SP140: variants seen among roughly 807,000 people sequenced by gnomAD.
The protein encoded by SP140 is nuclear body protein SP140.
A neutral mutation model predicts 125.0 loss-of-function variants in SP140; 81 were observed. The ratio of observed to expected loss-of-function variants is 0.65; its 90% CI spans 0.54 to 0.78. The LOEUF is 0.78. Among genes scored for constraint, SP140 ranks in the 30% least tolerant of loss-of-function variants. SP140 has a pLI of 0.00. For missense variants in SP140, 858 were observed against 1,037.0 expected (o/e 0.83, Z 2.37); for synonymous variants, 312 against 354.0 (o/e 0.88, Z 1.33).
rs201955580 is a variant in SP140 at position 230,209,893 on chromosome 2, C to A, written c.-322-3761C>A. Reference sequence around the variant, plus strand: ...GAAAAACAGAAAGCAACTCTGAATTCACCCTTCTGACCTCTACAGAAGAAA... The same window carrying A: ...GAAAAACAGAAAGCAACTCTGAATTAACCCTTCTGACCTCTACAGAAGAAA... On this transcript the variant is annotated intron_variant, in intron 1 of 4. Coordinates refer to the SP140 transcript ENST00000456542. The A allele has an allele frequency of 1.2e-5, 14 of 1,213,468 alleles. No individual in the cohort carries two copies. In the South Asian group the frequency reaches 1.3e-4, roughly 11 times the overall value. 75.2% of individuals were successfully genotyped at this position (1,213,468 alleles called of 1,614,324 possible). A position where few individuals can be genotyped will look rare whatever the true frequency, so the allele number is the denominator to read the frequency against.
At chr2:230,303,032 C>G (rs2058434312) in intron 22 of SP140, among the ~76,000 whole-genome samples, 2 of 151,920 alleles carry the variant, frequency 1.3e-5, no homozygotes, top group Middle Eastern at 3.4e-3. Flanking sequence ...AAACCCAAAC[C>G]CAGCAGAAGA....
chr2:230,245,310 T>C (rs2049276998), intron 6 of SP140, among the ~76,000 whole-genome samples: 1 of 152,076 alleles, frequency 6.6e-6, no homozygotes, highest in Non-Finnish European at 1.5e-5. Context: ...ATTACTCTGA[T>C]TGGAGGCACC....
At position 230,255,523 on chromosome 2, in the gene SP140, C is replaced by A; in HGVS notation, c.1231C>A (p.Arg411Ser). 1 of 1,586,094 alleles carries A rather than the reference C, an allele frequency of 6.3e-7. No homozygotes were observed. Among genetic ancestry groups the A allele is most frequent in the East Asian group, 2.3e-5 (1 of 43,746 alleles). The change falls in exon 12 of 27, where the codon CGT becomes AGT. Residue 411 changes from arginine (R) to serine (S), a missense_variant. Physicochemically the swap from Arg to Ser is moderately radical, Grantham distance 110 (BLOSUM62 -1). Around this residue, in one of 4 missense-constraint regions of SP140, gnomAD observed 791 missense variants for 869.5 expected, o/e 0.91. Transcript: ENST00000392045. ...GGAAGCCTCTAGCTCCCTAGCAAGA[C>A]GTGGGTCAGGTAAGGACGGGGGGGG... ...RQEASSSLAR[R>S]GSVSSELENH...
chr2:230,192,004 C>A, the SP140 span, among the ~76,000 whole-genome samples: 1 of 152,170 alleles, frequency 6.6e-6, no homozygotes, highest in African/African-American at 2.4e-5. Context: ...TAAGCATAAT[C>A]CATCACATAA....
intron 7 of SP140, among the ~76,000 whole-genome samples, chr2:230,247,120 C>T (rs1459097612): frequency 6.6e-6 from 1 of 152,114 alleles, no homozygotes; most frequent in Non-Finnish European, 1.5e-5. Context: ...GCTTTCATGT[C>T]TCTCCCATCT....
Position 230,312,605 on chromosome 2 carries a change from T to G in SP140, c.2525T>G (p.Met842Arg). 1 of 1,611,606 alleles carries G rather than the reference T, an allele frequency of 6.2e-7. No homozygotes were observed. The highest frequency in any genetic ancestry group is 8.5e-7 in the Non-Finnish European group (1 of 1,178,554). ...ASYKYKDFGQ[M>R]GFRLEAEFEK... The stretch of plus-strand genomic sequence containing the variant: ...TTTCAGTACAAGGATTTTGGCCAAA[T>G]GGGATTTAGACTGGAGGCTGAGTTT... The change falls in exon 27 of 27, where the codon ATG becomes AGG. Residue 842 changes from methionine to arginine, a missense_variant. Around this residue, in one of 4 missense-constraint regions of SP140, gnomAD observed 43 missense variants for 35.1 expected, o/e 1.23. Coordinates refer to ENST00000392045, the MANE Select transcript of SP140 (RefSeq NM_007237.5).
intron 15 of SP140, among the ~76,000 whole-genome samples, chr2:230,275,496 CG>C (rs2054581742): frequency 6.6e-6 from 1 of 152,142 alleles, no homozygotes; most frequent in Non-Finnish European, 1.5e-5. Flanking sequence ...ACACTGTGTT[CG>C]TATAAGATGG....
At chr2:230,194,466 A>C in the SP140 span, among the ~76,000 whole-genome samples, 1 of 107,478 alleles carries the variant, frequency 9.3e-6, no homozygotes, top group African/African-American at 3.4e-5. Flanking sequence ...TTAAAAAAAG[A>C]AAAAGGGAAA....
intron 12 of SP140, among the ~76,000 whole-genome samples, chr2:230,268,231 TAGAC>T (rs763044956): frequency 6.6e-4 from 100 of 152,160 alleles, no homozygotes; most frequent in Non-Finnish European, 1.1e-3. Context: ...TTTTTAAAAA[TAGAC>T]AGAAGAGGCC....
At chr2:230,221,617 C>T, upstream of SP140, 1 of 1,270,382 alleles carries the variant, frequency 7.9e-7, no homozygotes, top group Non-Finnish European at 1.1e-6. Context: ...GATGCCTCAG[C>T]ATGCAGTAAC....
chr2:230,236,626 T>C (rs761592862), intron 1 of SP140, among the ~76,000 whole-genome samples: 2 of 152,200 alleles, frequency 1.3e-5, no homozygotes, highest in Non-Finnish European at 2.9e-5. Flanking sequence ...AGGCTTTCAA[T>C]TGGTTGGGCA....
At chr2:230,300,263 T>C (rs1447999748) in intron 22 of SP140, among the ~76,000 whole-genome samples, 1 of 152,094 alleles carries the variant, frequency 6.6e-6, no homozygotes, top group Non-Finnish European at 1.5e-5. Flanking sequence ...AACAACTAAT[T>C]ATACTGCCTG....
chr2:230,238,971 A>T, intron 3 of SP140: 1 of 1,510,760 alleles, frequency 6.6e-7, no homozygotes, highest in African/African-American at 1.4e-5. Flanking sequence ...CTGACTCTGG[A>T]GAAAGAAGTT....
In SP140 at chr2:230,237,637, T is replaced by G. The variant is rs531047527; in HGVS notation, c.237+377T>G. ...ACTGAGATTTTTTTGAAACTCACAG[T>G]GAAGTTGTGTCATTTTAGGTTACAT... On this transcript the variant is annotated intron_variant, in intron 2 of 26. Transcript: ENST00000392045. This position sits in a 1 kb window ranked among gnomAD's most constrained non-coding sequence, Gnocchi z 5.4. 1 of 171,458 alleles carries G rather than the reference T, an allele frequency of 5.8e-6. No homozygotes were observed. Among genetic ancestry groups the G allele is most frequent in the Non-Finnish European group, 1.2e-5 (1 of 81,412 alleles). 10.6% of individuals were successfully genotyped at this position (171,458 alleles called of 1,614,324 possible). A position where few individuals can be genotyped will look rare whatever the true frequency, so the allele number is the denominator to read the frequency against.
intron 3 of SP140, 34 bp downstream of exon 3, chr2:230,238,415 A>C (rs1490763465): frequency 1.3e-6 from 2 of 1,568,244 alleles, no homozygotes; most frequent in Non-Finnish European, 1.7e-6. Context: ...TGGGGGATTC[A>C]AGCCCATTTC....
chr2:230,310,009 A>G lies in SP140; in HGVS notation c.2144A>G (p.Asp715Gly). 1 of 1,614,142 alleles carries G rather than the reference A, an allele frequency of 6.2e-7. No homozygotes were observed. The highest frequency in any genetic ancestry group is 8.5e-7 in the Non-Finnish European group (1 of 1,180,006). Reference protein sequence around the residue: ...CDTCSRVFHEDCHIPPVEAER... With the variant: ...CDTCSRVFHEGCHIPPVEAER... Reference sequence around the variant, plus strand: ...ACTTGTTCAAGAGTCTTCCATGAGGACTGTCACATCCCGCCTGTGGAAGCT... The same window carrying G: ...ACTTGTTCAAGAGTCTTCCATGAGGGCTGTCACATCCCGCCTGTGGAAGCT... Residue 715 changes from aspartate (D) to glycine (G), a missense_variant, in exon 23 of 27, where the codon GAC (aspartate) becomes GGC (glycine). By Grantham distance (94) the Asp-to-Gly change is moderately conservative. Around this residue, in one of 4 missense-constraint regions of SP140, gnomAD observed 791 missense variants for 869.5 expected, o/e 0.91. Transcript: ENST00000392045.
intron 12 of SP140, among the ~76,000 whole-genome samples, 196 bp from the exon 13 acceptor site, chr2:230,269,336 G>A (rs1423521503): frequency 6.6e-6 from 1 of 151,600 alleles, no homozygotes; most frequent in African/African-American, 2.4e-5. Flanking sequence ...GTAGAGAAAA[G>A]GAGGATGAGG....
At chr2:230,214,492 A>G (rs775389752) in intron 3 of SP140, among the ~76,000 whole-genome samples, 30 of 152,212 alleles carry the variant, frequency 2.0e-4, no homozygotes, top group Non-Finnish European at 3.8e-4. Flanking sequence ...GTTAAAAATG[A>G]CTTCAAAGGG....
intron 11 of SP140, 119 bp from the exon 12 acceptor site, chr2:230,255,333 T>C: frequency 8.8e-7 from 1 of 1,133,562 alleles, no homozygotes; most frequent in Admixed American, 2.0e-5. Flanking sequence ...AGGACCTGGG[T>C]GGGGGACAGC....
Sources: gnomAD v4.1 joint callset for allele counts (sites outside exome capture counted in the v4.1 genomes callset) on GRCh38, gnomAD v4.1.1 for gene constraint, gnomAD v4.1.1 regional missense constraint, Gnocchi (gnomAD v3.1) non-coding constraint, MANE v1.5 for transcripts, NCBI Gene and HGNC (gene_info 2026-07-23, HGNC 2026-07-21) for gene names.